Variants in CCDC13 observed in about 807,000 individuals in gnomAD.
The protein encoded by CCDC13 is coiled-coil domain-containing protein 13.
In CCDC13, 70 loss-of-function variants were observed where a neutral mutation model predicts 87.3. That is an observed-to-expected ratio of 0.80 (90% CI 0.66 to 0.98). The LOEUF (loss-of-function observed/expected upper bound fraction) is 0.98, where lower values mean the gene tolerates loss of function less well. Among genes scored for constraint, CCDC13 ranks in the 50% least tolerant of loss-of-function variants. CCDC13 has a pLI of 0.00. For synonymous variants in CCDC13, 317 were observed against 360.3 expected (o/e 0.88, Z 1.36); for missense variants, 842 against 892.0 (o/e 0.94, Z 0.71).
At chr3:42,735,968 G>A (rs1421851486) in intron 9 of CCDC13, 55 bp from the exon 10 acceptor site, 2 of 1,542,414 alleles carry the variant, frequency 1.3e-6, no homozygotes, top group Non-Finnish European at 1.8e-6. Context: ...TTGGGCCGGG[G>A]AGGACAAGAA....
chr3:42,751,965 G>C lies in CCDC13; in HGVS notation c.574C>G (p.Pro192Ala). Residue 192 changes from proline to alanine, a missense_variant, in exon 5 of 16, where the codon CCG (proline) becomes GCG (alanine). Physicochemically the swap from Pro to Ala is conservative, Grantham distance 27. Transcript: ENST00000310232. ...KGATDAGAKP[P>A]RAQMGDRALL... is the part of the protein sequence containing the mutation. The stretch of plus-strand genomic sequence containing the variant: ...GCTCTGTCTCCCATCTGGGCCCTCG[G>C]TGGCTTGGCTCCTGCGTCGGTGGCC... The C allele has an allele frequency of 6.2e-7, 1 of 1,611,782 alleles. No individual in the cohort carries two copies.
Position 42,735,841 on chromosome 3 carries a change from G to A in CCDC13, c.1237C>T (p.His413Tyr), listed in dbSNP as rs1403943196. 3 of 1,614,136 alleles carry A rather than the reference G, an allele frequency of 1.9e-6. No individual in the cohort carries two copies. The highest frequency in any genetic ancestry group is 1.7e-5 in the Admixed American group (1 of 60,014). Residue 413 changes from histidine to tyrosine, a missense_variant, in exon 10 of 16, where the codon CAC becomes TAC. His to Tyr is a moderately conservative substitution (Grantham distance 83). Coordinates refer to ENST00000310232, the MANE Select transcript of CCDC13 (RefSeq NM_144719.4). ...CTGTTCAGTTGCTGGTCCAGGTGGT[G>A]CTGGGACACTCGCGTTTTCTCCTCC... is the stretch of plus-strand genomic sequence containing the variant. ...LQEEKTRVSQHHLDQQLNSEA... is the reference protein window; with the variant it reads ...LQEEKTRVSQYHLDQQLNSEA...
chr3:42,739,890 G>A (rs1699159681), intron 8 of CCDC13, 80 bp from the exon 9 acceptor site: 1 of 1,358,686 alleles, frequency 7.4e-7, no homozygotes, highest in Non-Finnish European at 1.0e-6. Context: ...CCTACTCAAT[G>A]GCAAGGCCCG....
downstream of CCDC13, among the ~76,000 whole-genome samples, chr3:42,705,607 C>A (rs893678401): frequency 6.6e-6 from 1 of 152,202 alleles, no homozygotes; most frequent in African/African-American, 2.4e-5. Flanking sequence ...CCTGCACCCT[C>A]CCCTCCAACT....
intron 14 of CCDC13, among the ~76,000 whole-genome samples, chr3:42,710,672 A>T (rs562983345): frequency 6.6e-6 from 1 of 152,260 alleles, no homozygotes; most frequent in South Asian, 2.1e-4. Flanking sequence ...GTCTCTACTA[A>T]AAATACATAA....
intron 13 of CCDC13, among the ~76,000 whole-genome samples, chr3:42,729,010 C>G (rs558542098): frequency 5.9e-5 from 9 of 152,308 alleles, no homozygotes; most frequent in African/African-American, 1.9e-4. Context: ...AGAACTGAGG[C>G]ATCCCTGCTG....
chr3:42,728,489 G>T (rs1424693631), intron 13 of CCDC13, among the ~76,000 whole-genome samples: 1 of 152,084 alleles, frequency 6.6e-6, no homozygotes, highest in Non-Finnish European at 1.5e-5. Context: ...TGTACTTTGG[G>T]ATAGTTAAAA....
downstream of CCDC13, chr3:42,704,319 C>G (rs1272771672): frequency 2.0e-5 from 3 of 152,268 alleles, no homozygotes; most frequent in Non-Finnish European, 2.9e-5. Context: ...GAAAATGGCT[C>G]AAGGGAGCAG....
chr3:42,773,041 C>T (rs1385272947), intron 1 of CCDC13, 135 bp downstream of exon 1: 1 of 152,184 alleles, frequency 6.6e-6, no homozygotes, highest in East Asian at 1.9e-4. Flanking sequence ...TCGCTGGGCG[C>T]CCAGCACGCG....
chr3:42,750,466 GTTGT>G (rs1201692246), intron 5 of CCDC13, among the ~76,000 whole-genome samples: 2 of 152,204 alleles, frequency 1.3e-5, no homozygotes, highest in South Asian at 2.1e-4. Context: ...GGTTGTTGTA[GTTGT>G]TTGTTTGTTT....
intron 13 of CCDC13, among the ~76,000 whole-genome samples, chr3:42,725,823 A>G (rs1277572564): frequency 6.6e-6 from 1 of 152,202 alleles, no homozygotes; most frequent in African/African-American, 2.4e-5. Context: ...CAAGGAAAAA[A>G]GCCCCACTGA....
intron 15 of CCDC13, among the ~76,000 whole-genome samples, 190 bp from the exon 16 acceptor site, chr3:42,709,329 A>C (rs757006825): frequency 8.5e-5 from 13 of 152,188 alleles, no homozygotes; most frequent in Non-Finnish European, 1.6e-4. Flanking sequence ...GGCTCCCTGC[A>C]ATGTAAGCTA....
At chr3:42,737,550 T>G (rs1259166399) in intron 9 of CCDC13, among the ~76,000 whole-genome samples, 1 of 152,226 alleles carries the variant, frequency 6.6e-6, no homozygotes, top group African/African-American at 2.4e-5. Context: ...AGCATTCCTA[T>G]TTCTCCACAT....
chr3:42,707,256 T>TC lies in CCDC13; in HGVS notation c.*1723dup, dbSNP rs940423511. ...GCCCACCCCTCGCTGTCACACACTG[T>TC]CCCCTCCAAGCACAGACCCTCTCTC... On this transcript the variant is annotated 3_prime_UTR_variant, in exon 16 of 16. Coordinates refer to ENST00000310232, the MANE Select transcript of CCDC13 (RefSeq NM_144719.4). Among the ~76,000 whole-genome samples, 6 of 152,084 alleles carry TC rather than the reference T, an allele frequency of 3.9e-5. No individual in the cohort carries two copies. The highest frequency in any genetic ancestry group is 8.8e-5 in the Non-Finnish European group (6 of 68,000).
intron 15 of CCDC13, 111 bp from the exon 16 acceptor site, chr3:42,709,250 G>A (rs763751125): frequency 1.8e-6 from 2 of 1,139,008 alleles, no homozygotes; most frequent in Non-Finnish European, 2.4e-6. Flanking sequence ...TCAGGCTCAG[G>A]CTTCCCTCTG....
chr3:42,752,078 A>G (rs1027326697), intron 4 of CCDC13, 53 bp from the exon 5 acceptor site: 2 of 1,490,928 alleles, frequency 1.3e-6, no homozygotes, highest in Admixed American at 1.7e-5. Flanking sequence ...GTGCAGCCCA[A>G]GGAAAGCACT....
chr3:42,709,788 G>A lies in CCDC13; in HGVS notation c.1884C>T (p.Thr628=), dbSNP rs768559940. ...CGGTTGGGTTGTGCCTGTTGTTAGAGGTGGGCAGACCTGTGGGGCAGCAGC... is the reference window on the plus strand; with the variant it reads ...CGGTTGGGTTGTGCCTGTTGTTAGAAGTGGGCAGACCTGTGGGGCAGCAGC... ...AAPRTKTGLP[T]SNNRHNPTGS... is the part of the protein sequence containing the mutation. Residue 628 remains threonine (T), a synonymous_variant, in exon 15 of 16, where the codon ACC becomes ACT. Coordinates refer to ENST00000310232, the MANE Select transcript of CCDC13 (RefSeq NM_144719.4). 4 of 1,613,960 alleles carry A rather than the reference G, an allele frequency of 2.5e-6. No individual in the cohort carries two copies. Among genetic ancestry groups the A allele is most frequent in the East Asian group, 4.5e-5 (2 of 44,882 alleles).
intron 14 of CCDC13, among the ~76,000 whole-genome samples, chr3:42,710,016 C>T (rs185295801): frequency 3.3e-4 from 51 of 152,250 alleles, no homozygotes; most frequent in African/African-American, 1.1e-3. Flanking sequence ...CTGCTACAGC[C>T]CTGACTCTGC....
chr3:42,766,271 A>C (rs1188666473), intron 1 of CCDC13, among the ~76,000 whole-genome samples: 1 of 152,052 alleles, frequency 6.6e-6, no homozygotes, highest in African/African-American at 2.4e-5. Flanking sequence ...GGGGTTCAGA[A>C]GGGAAGTCTG....
Sources: allele counts gnomAD v4.1 joint callset (sites outside exome capture counted in the v4.1 genomes callset), GRCh38; gene constraint gnomAD v4.1.1; transcripts MANE v1.5; gene names NCBI Gene and HGNC (gene_info 2026-07-23, HGNC 2026-07-21).